The following ACOT7 variants were observed in gnomAD, a reference collection of about 807,000 sequenced individuals.
ACOT7 encodes cytosolic acyl coenzyme A thioester hydrolase.
Under a neutral mutation model 40.2 loss-of-function variants are expected in ACOT7, and 12 were observed. The observed-to-expected ratio is 0.30, with a 90% confidence interval of 0.19 to 0.48. The LOEUF is 0.48. Ranked by LOEUF, ACOT7 falls within the 20% of genes least tolerant of loss-of-function variation. ACOT7 has a pLI of 0.99. For synonymous variants in ACOT7, 228 were observed against 219.5 expected, an observed-to-expected ratio of 1.04 and a Z score of -0.34; for missense variants, 395 against 530.8, an observed-to-expected ratio of 0.74 and a Z score of 2.51.
In ACOT7 at chr1:6,359,887, A is replaced by G. The variant is rs1641849857; in HGVS notation, c.144-10021T>C. On this transcript the variant is annotated intron_variant, in intron 1 of 8. Coordinates refer to ENST00000361521, the MANE Select transcript of ACOT7 (RefSeq NM_007274.4). This position sits in a 1 kb window ranked among gnomAD's most constrained non-coding sequence, Gnocchi z 4.1. ...TTCACATGTTTAGTTGTGAAAGAGAAAGTTAGGGCAGAGAGGGCTGATTAG... is the reference window on the plus strand; with the variant it reads ...TTCACATGTTTAGTTGTGAAAGAGAGAGTTAGGGCAGAGAGGGCTGATTAG... 6.6e-6 allele frequency among the ~76,000 whole-genome samples: 1 copy of G among 152,142 alleles called. No individual in the cohort carries two copies. The highest frequency in any genetic ancestry group is 2.1e-4 in the South Asian group (1 of 4,828).
chr1:6,389,548 A>G (rs1455160662), intron 1 of ACOT7, among the ~76,000 whole-genome samples: 1 of 152,108 alleles, frequency 6.6e-6, no homozygotes, highest in Non-Finnish European at 1.5e-5. Flanking sequence ...CTGAATTTAA[A>G]TTGATGCAAT....
intron 6 of ACOT7, among the ~76,000 whole-genome samples, chr1:6,313,777 C>T (rs1354661933): frequency 6.6e-6 from 1 of 151,784 alleles, no homozygotes; most frequent in Non-Finnish European, 1.5e-5. Context: ...GGCTGCCTAT[C>T]GGCTGTGGAT....
chr1:6,288,510 T>G lies in ACOT7; in HGVS notation c.829+6354A>C, dbSNP rs1404359673. Among the ~76,000 whole-genome samples the G allele has an allele frequency of 6.6e-6, 1 of 152,148 alleles. No homozygotes were observed. Among genetic ancestry groups the G allele is most frequent in the Non-Finnish European group, 1.5e-5 (1 of 68,018 alleles). ...GCCAGCTGGAGGGGCTCAAGCTGAA[T>G]GTGGCATGTCACGGGGAGCCACGGA... is the stretch of plus-strand genomic sequence containing the variant. On this transcript the variant is annotated intron_variant, in intron 7 of 8. Coordinates refer to ENST00000361521, the MANE Select transcript of ACOT7 (RefSeq NM_007274.4). This position sits in a 1 kb window ranked among gnomAD's most constrained non-coding sequence, Gnocchi z 4.3.
rs906710628 is a variant in ACOT7, at chr1:6,281,220, A to C, written c.896T>G (p.Leu299Trp). ...GTCCACAACAGGGTCGGCGTCCACC[A>C]ACACCTCGATCTCCATGGACTTATT... ...TSNKSMEIEV[L>W]VDADPVVDSS... is the part of the protein sequence containing the mutation. The change falls in exon 8 of 9, where the codon TTG becomes TGG. Residue 299 changes from leucine to tryptophan, a missense_variant. Leu to Trp is a moderately conservative substitution (Grantham distance 61). Transcript: ENST00000361521. 1 of 1,613,730 alleles carries C rather than the reference A, an allele frequency of 6.2e-7. No homozygotes were observed. The highest frequency in any genetic ancestry group is 1.3e-5 in the African/African-American group (1 of 74,740).
intron 8 of ACOT7, among the ~76,000 whole-genome samples, chr1:6,266,059 C>T (rs1026135251): frequency 1.9e-4 from 29 of 152,306 alleles, no homozygotes; most frequent in African/African-American, 5.3e-4. Flanking sequence ...AAATAGGTGG[C>T]GCTCCTTGCA....
At chr1:6,342,349 G>A (rs1229603698) in intron 2 of ACOT7, among the ~76,000 whole-genome samples, 1 of 152,144 alleles carries the variant, frequency 6.6e-6, no homozygotes, top group African/African-American at 2.4e-5. Flanking sequence ...TCACCCTGGG[G>A]GTGAGAATTT....
intron 4 of ACOT7, among the ~76,000 whole-genome samples, chr1:6,331,353 G>A (rs939963942): frequency 6.6e-6 from 1 of 152,230 alleles, no homozygotes; most frequent in Non-Finnish European, 1.5e-5. Flanking sequence ...CGGTAAGCAG[G>A]CCGTGCGAAG....
rs753896985 is a variant in ACOT7, at chr1:6,282,840, A to G, written c.830-1554T>C. The G allele has an allele frequency of 7.8e-7, 1 of 1,285,866 alleles. No homozygotes were observed. Among genetic ancestry groups the G allele is most frequent in the South Asian group, 1.2e-5 (1 of 80,644 alleles). The allele number at this position is 1,285,866 out of a possible 1,614,324, so 79.7% of individuals were successfully genotyped here. The stretch of plus-strand genomic sequence containing the variant: ...CATGCAAAGCGCCCGCAGTCACAAG[A>G]CGCACCCCGGGAGGAGGGCAGGCCA... On this transcript the variant is annotated intron_variant, in intron 7 of 8. Transcript: ENST00000361521. This position sits in a 1 kb window ranked among gnomAD's most constrained non-coding sequence, Gnocchi z 4.5.
chr1:6,305,764 G>A (rs1438472992), intron 6 of ACOT7, among the ~76,000 whole-genome samples: 2 of 151,710 alleles, frequency 1.3e-5, no homozygotes, highest in African/African-American at 2.4e-5. Context: ...AGGCAGAGAC[G>A]CTCCTCACTT....
rs929893375 is a variant in ACOT7, at chr1:6,288,791, G to A, written c.829+6073C>T. ...CAGCCACGACAAGTGCCCCAAGTTC[G>A]TAAGTTCCTCCTAGGCACACACCCT... On this transcript the variant is annotated intron_variant, in intron 7 of 8. Transcript: ENST00000361521. This position sits in a 1 kb window ranked among gnomAD's most constrained non-coding sequence, Gnocchi z 4.3. 6.6e-6 allele frequency among the ~76,000 whole-genome samples: 1 copy of A among 152,226 alleles called. No homozygotes were observed. Among genetic ancestry groups the A allele is most frequent in the Admixed American group, 6.5e-5 (1 of 15,286 alleles).
chr1:6,342,909 A>G (rs1641313755), intron 2 of ACOT7, among the ~76,000 whole-genome samples: 1 of 152,210 alleles, frequency 6.6e-6, no homozygotes, highest in South Asian at 2.1e-4. Context: ...CTTATTTCTC[A>G]TCTTTGCTGA....
intron 1 of ACOT7, among the ~76,000 whole-genome samples, chr1:6,363,413 G>A (rs1641932343): frequency 6.6e-6 from 1 of 152,064 alleles, no homozygotes. Context: ...CTTGTGGAGG[G>A]CCTGACATCA....
rs142482876 is a variant in ACOT7 at position 6,385,441 on chromosome 1, G to A, written c.143+7816C>T. On this transcript the variant is annotated intron_variant, in intron 1 of 8. Coordinates refer to ENST00000361521, the MANE Select transcript of ACOT7 (RefSeq NM_007274.4). The stretch of plus-strand genomic sequence containing the variant: ...TGCGGCCCAAGGCCCTGGCTGCCCA[G>A]TCGGCGTCGCAAGTGAGACACCATG... The A allele has an allele frequency of 1.1e-4, 178 of 1,562,232 alleles. 2 individuals carry two copies. The highest frequency in any genetic ancestry group is 8.7e-4 in the South Asian group (73 of 84,112).
In ACOT7 at chr1:6,301,275, G is replaced by A. The variant is rs1639967694; in HGVS notation, c.713-6295C>T. On this transcript the variant is annotated intron_variant, in intron 6 of 8. Transcript: ENST00000361521. This position sits in a 1 kb window ranked among gnomAD's most constrained non-coding sequence, Gnocchi z 4.1. ...AAGCAGAATGAGAGAATAAATGGAAGGAGTTGTAATCAGCTCCTTCAAACC... is the reference window on the plus strand; with the variant it reads ...AAGCAGAATGAGAGAATAAATGGAAAGAGTTGTAATCAGCTCCTTCAAACC... Among the ~76,000 whole-genome samples, 1 of 152,208 alleles carries A rather than the reference G, an allele frequency of 6.6e-6. No homozygotes were observed. The highest frequency in any genetic ancestry group is 6.5e-5 in the Admixed American group (1 of 15,286).
rs577113467 is a variant in ACOT7, at chr1:6,368,701, C to A, written c.144-18835G>T. On this transcript the variant is annotated intron_variant, in intron 1 of 8. Coordinates refer to ENST00000361521, the MANE Select transcript of ACOT7 (RefSeq NM_007274.4). ...AAGAGCTCTGACACTGAGCCAGGGT[C>A]TGGAGCGGCAAGGCTCCAGGCCTGG... Among the ~76,000 whole-genome samples the A allele has an allele frequency of 1.1e-4, 17 of 152,318 alleles. 1 individual carries two copies. The South Asian group carries it at 3.5e-3, about 32-fold the overall frequency.
At position 6,294,232 on chromosome 1, in the gene ACOT7, G is replaced by C. The variant is rs1476646783; in HGVS notation, c.829+632C>G. 2.0e-5 allele frequency among the ~76,000 whole-genome samples: 3 copies of C among 152,224 alleles called. No homozygotes were observed. Among genetic ancestry groups the C allele is most frequent in the African/African-American group, 7.2e-5 (3 of 41,460 alleles). ...CACCACGTGTCAGGTGCACTTCACT[G>C]TACTTCTGCAGAGAGCAGTCACATA... On this transcript the variant is annotated intron_variant, in intron 7 of 8. Coordinates refer to ENST00000361521, the MANE Select transcript of ACOT7 (RefSeq NM_007274.4). The surrounding 1 kb of genome is among the most constrained non-coding windows in gnomAD (Gnocchi z 4.6).
intron 8 of ACOT7, among the ~76,000 whole-genome samples, chr1:6,268,241 C>T (rs1638910323): frequency 6.6e-6 from 1 of 152,150 alleles, no homozygotes; most frequent in South Asian, 2.1e-4. Context: ...GTAATTACAT[C>T]TCAGTAAAGC....
At position 6,269,334 on chromosome 1, in the gene ACOT7, C is replaced by T. The variant is rs1003232436; in HGVS notation, c.1015-4639G>A. ...TGAACCAGGGTCAGGGGCTTCCCTG[C>T]CTCCCCTCACCTCACCCCGGCCCTC... On this transcript the variant is annotated intron_variant, in intron 8 of 8. Coordinates refer to ENST00000361521, the MANE Select transcript of ACOT7 (RefSeq NM_007274.4). 4.2e-4 allele frequency among the ~76,000 whole-genome samples: 64 copies of T among 152,202 alleles called. 1 individual carries two copies. The highest frequency in any genetic ancestry group is 6.5e-5 in the Admixed American group (1 of 15,290).
At chr1:6,272,337 G>A (rs1639060543) in intron 8 of ACOT7, among the ~76,000 whole-genome samples, 1 of 152,254 alleles carries the variant, frequency 6.6e-6, no homozygotes, top group African/African-American at 2.4e-5. Flanking sequence ...TTCAAAACCA[G>A]TACTTCTGCT....
Sources: gnomAD v4.1 joint callset for allele counts (sites outside exome capture counted in the v4.1 genomes callset) on GRCh38, gnomAD v4.1.1 for gene constraint, Gnocchi (gnomAD v3.1) non-coding constraint, MANE v1.5 for transcripts, NCBI Gene and HGNC (gene_info 2026-07-23, HGNC 2026-07-21) for gene names.